The following LPL variants were observed in gnomAD, a reference collection of about 807,000 sequenced individuals.
LPL encodes the protein lipoprotein lipase.
LPL carries 43 observed loss-of-function variants against 52.2 expected under a neutral mutation model. That is an observed-to-expected ratio of 0.82 (90% CI 0.64 to 1.06). The LOEUF is 1.06. LPL is among the 50% of genes least tolerant of loss of function. The pLI is 0.00. For synonymous variants in LPL, 244 were observed against 215.6 expected (o/e 1.13, Z -1.15); for missense variants, 639 against 585.3 (o/e 1.09, Z -0.95).
chr8:19,946,580 A>G (rs1187838575), intron 1 of LPL: 2 of 308,634 alleles, frequency 6.5e-6, no homozygotes, highest in Non-Finnish European at 1.3e-5. Flanking sequence ...TTGAGTTGAA[A>G]AAAAAGAGCA....
At chr8:19,964,590 C>T (rs1049515619) in intron 9 of LPL, among the ~76,000 whole-genome samples, 3 of 152,136 alleles carry the variant, frequency 2.0e-5, no homozygotes, top group East Asian at 1.9e-4. Context: ...AATGTGGTGG[C>T]GTGATCTCGG....
rs1291889111 is a variant in LPL, at chr8:19,950,312, G to A, written c.250-1457G>A. Among the ~76,000 whole-genome samples the A allele has an allele frequency of 6.6e-6, 1 of 152,220 alleles. No homozygotes were observed. The highest frequency in any genetic ancestry group is 1.5e-5 in the Non-Finnish European group (1 of 68,038). ...CTCAGAAGAAAAACTCAGATTGAAAGAACTTAGAATAAGACCCTTTTTGAG... is the reference window on the plus strand; with the variant it reads ...CTCAGAAGAAAAACTCAGATTGAAAAAACTTAGAATAAGACCCTTTTTGAG... On this transcript the variant is annotated intron_variant, in intron 2 of 9. Coordinates refer to ENST00000650287, the MANE Select transcript of LPL (RefSeq NM_000237.3). This position sits in a 1 kb window ranked among gnomAD's most constrained non-coding sequence, Gnocchi z 4.2.
chr8:19,949,229 G>A (rs889963231), intron 2 of LPL, among the ~76,000 whole-genome samples: 1 of 152,084 alleles, frequency 6.6e-6, no homozygotes, highest in Non-Finnish European at 1.5e-5. Context: ...TTTCTAGTGA[G>A]AACTAACTAA....
At chr8:19,948,675 G>A (rs1037119233) in intron 2 of LPL, among the ~76,000 whole-genome samples, 4 of 152,114 alleles carry the variant, frequency 2.6e-5, no homozygotes, top group Non-Finnish European at 5.9e-5. Flanking sequence ...GCATGATCCC[G>A]CATCACCCAG....
chr8:19,939,328 A>C lies in LPL; in HGVS notation c.-113A>C, dbSNP rs771569574. ...TCTAGCTGCCCTGCCATCCCCTTTA[A>C]AGGGCGACTTGCTCAGCGCCAAACC... On this transcript the variant is annotated 5_prime_UTR_variant, in exon 1 of 10. Coordinates refer to ENST00000650287, the MANE Select transcript of LPL (RefSeq NM_000237.3). This position sits in a 1 kb window ranked among gnomAD's most constrained non-coding sequence, Gnocchi z 4.0. The C allele has an allele frequency of 6.0e-6, 6 of 994,540 alleles. No individual in the cohort carries two copies. Among genetic ancestry groups the C allele is most frequent in the Non-Finnish European group, 7.6e-6 (5 of 654,792 alleles). The allele number at this position is 994,540 out of a possible 1,614,324, so 61.6% of individuals were successfully genotyped here. A position where few individuals can be genotyped will look rare whatever the true frequency, so the allele number is the denominator to read the frequency against.
At chr8:19,960,760 G>A in intron 7 of LPL, 141 bp from the exon 8 acceptor site, 1 of 664,970 alleles carries the variant, frequency 1.5e-6, no homozygotes, top group Non-Finnish European at 2.7e-6. Flanking sequence ...TTCATTTTGA[G>A]TTCTTTGTTG....
intron 1 of LPL, among the ~76,000 whole-genome samples, 173 bp from the exon 2 acceptor site, chr8:19,948,007 T>C (rs1360849958): frequency 6.6e-6 from 1 of 152,208 alleles, no homozygotes; most frequent in Non-Finnish European, 1.5e-5. Flanking sequence ...CTGTCAACTT[T>C]GCTCAACGTT....
At chr8:19,942,778 C>A (rs1031253686) in intron 1 of LPL, among the ~76,000 whole-genome samples, 1 of 152,122 alleles carries the variant, frequency 6.6e-6, no homozygotes, top group Non-Finnish European at 1.5e-5. Context: ...TGTCTTGTGG[C>A]CATTTTAAGA....
intron 2 of LPL, among the ~76,000 whole-genome samples, chr8:19,951,495 T>C (rs1017987128): frequency 6.6e-6 from 1 of 152,204 alleles, no homozygotes; most frequent in African/African-American, 2.4e-5. Flanking sequence ...CAAAATTTTA[T>C]TGAATGTCTA....
rs1279128842 is a variant in LPL, at chr8:19,939,736, G to A, written c.88+208G>A. On this transcript the variant is annotated intron_variant, in intron 1 of 9. Transcript: ENST00000650287. The surrounding 1 kb of genome is among the most constrained non-coding windows in gnomAD (Gnocchi z 4.0). ...CTCCTCCCGATCGTGAAGCGGCGGC[G>A]CCCAGTTCCCGCTTTTTCTCTCTGC... Among the ~76,000 whole-genome samples, 2 of 152,174 alleles carry A rather than the reference G, an allele frequency of 1.3e-5. No homozygotes were observed. The highest frequency in any genetic ancestry group is 2.1e-4 in the South Asian group (1 of 4,832).
chr8:19,965,645 C>T lies in LPL; in HGVS notation c.*335C>T, dbSNP rs764473808. On this transcript the variant is annotated 3_prime_UTR_variant, in exon 10 of 10. Transcript: ENST00000650287. The stretch of plus-strand genomic sequence containing the variant: ...AGGCTCCTTCATGTGGCGTATTGGG[C>T]CATAGCCTATAATTGGTTAGAACCT... 7.0e-6 allele frequency: 2 copies of T among 287,186 alleles called. No homozygotes were observed. Among genetic ancestry groups the T allele is most frequent in the Non-Finnish European group, 1.3e-5 (2 of 153,378 alleles). The allele number at this position is 287,186 out of a possible 1,614,324, so 17.8% of individuals were successfully genotyped here.
At chr8:19,963,158 T>C (rs1397765905) in intron 9 of LPL, among the ~76,000 whole-genome samples, 2 of 152,210 alleles carry the variant, frequency 1.3e-5, no homozygotes, top group African/African-American at 2.4e-5. Flanking sequence ...ATGTATAGAA[T>C]AAGAATTGCC....
At chr8:19,951,191 G>T (rs924907391) in intron 2 of LPL, among the ~76,000 whole-genome samples, 1 of 152,162 alleles carries the variant, frequency 6.6e-6, no homozygotes, top group African/African-American at 2.4e-5. Context: ...TTGGAGCTTT[G>T]CCACTTGCTT....
chr8:19,943,829 G>C (rs2069861188), intron 1 of LPL, among the ~76,000 whole-genome samples: 1 of 152,048 alleles, frequency 6.6e-6, no homozygotes, highest in African/African-American at 2.4e-5. Context: ...AGAAAATTCA[G>C]GGTAAAATTC....
In LPL at chr8:19,939,268, C is replaced by A; in HGVS notation, c.-173C>A. The A allele has an allele frequency of 3.2e-6, 2 of 622,338 alleles. No homozygotes were observed. The highest frequency in any genetic ancestry group is 1.8e-5 in the African/African-American group (1 of 54,872). The allele number at this position is 622,338 out of a possible 1,614,324, so 38.6% of individuals were successfully genotyped here. ...TGAAAACAGTGTCAGACTCGATTCC[C>A]CCTCTTCCTCCTCCTCAAGGGAAAG... On this transcript the variant is annotated 5_prime_UTR_variant, in exon 1 of 10. Transcript: ENST00000650287. This position sits in a 1 kb window ranked among gnomAD's most constrained non-coding sequence, Gnocchi z 4.0.
At chr8:19,957,856 T>C (rs1410251396) in intron 6 of LPL, among the ~76,000 whole-genome samples, 1 of 152,134 alleles carries the variant, frequency 6.6e-6, no homozygotes, top group Middle Eastern at 3.2e-3. Flanking sequence ...GTCTGCTATA[T>C]TCTAAACCAT....
intron 3 of LPL, 71 bp downstream of exon 3, chr8:19,952,019 C>CT: frequency 6.6e-7 from 1 of 1,520,594 alleles, no homozygotes; most frequent in Non-Finnish European, 9.1e-7. Flanking sequence ...ACCGGCTGTT[C>CT]TTTCTTCCTT....
intron 5 of LPL, among the ~76,000 whole-genome samples, chr8:19,954,938 A>C (rs2069970510): frequency 6.6e-6 from 1 of 152,130 alleles, no homozygotes; most frequent in Non-Finnish European, 1.5e-5. Flanking sequence ...TCCTGGCCTC[A>C]AGTGATCCTC....
chr8:19,954,748 C>G (rs2069969179), intron 5 of LPL, among the ~76,000 whole-genome samples: 1 of 152,186 alleles, frequency 6.6e-6, no homozygotes, highest in African/African-American at 2.4e-5. Context: ...TAGGATAAAT[C>G]TTCCAAAATG....
Sources: allele counts gnomAD v4.1 joint callset (sites outside exome capture counted in the v4.1 genomes callset), GRCh38; gene constraint gnomAD v4.1.1; non-coding constraint Gnocchi (gnomAD v3.1); transcripts MANE v1.5; gene names NCBI Gene and HGNC (gene_info 2026-07-23, HGNC 2026-07-21).